Variants in NEMP1 observed in about 807,000 individuals in gnomAD.
NEMP1 encodes the protein nuclear envelope integral membrane protein 1, also known as transmembrane protein 194.
A neutral mutation model predicts 53.7 loss-of-function variants in NEMP1; 29 were observed. The observed-to-expected ratio is 0.54, with a 90% CI of 0.40 to 0.74. NEMP1 has a LOEUF of 0.74. Ranked by LOEUF, NEMP1 falls within the 30% of genes least tolerant of loss-of-function variation. The pLI is 0.00. For synonymous variants in NEMP1, 193 were observed against 192.9 expected, an observed-to-expected ratio of 1.00 and a Z score of 0.00; for missense variants, 477 against 528.6, an observed-to-expected ratio of 0.90 and a Z score of 0.96.
chr12:57,071,645 C>G (rs1399310602), intron 2 of NEMP1, among the ~76,000 whole-genome samples: 1 of 152,176 alleles, frequency 6.6e-6, no homozygotes, highest in Non-Finnish European at 1.5e-5. Context: ...TCCCAAAGTG[C>G]TGAGATTACA....
rs1172069109 is a variant in NEMP1, at chr12:57,071,568, G to A, written c.253-675C>T. On this transcript the variant is annotated intron_variant, in intron 2 of 8. Transcript: ENST00000300128. ...TAATTTTTGTATTTTTAGTAGAGAC[G>A]GGGTTTCACCATATTGGCCAGGCTG... 5.3e-5 allele frequency among the ~76,000 whole-genome samples: 8 copies of A among 152,166 alleles called. 1 individual carries two copies. The highest frequency in any genetic ancestry group is 1.4e-4 in the African/African-American group (6 of 41,502).
At chr12:57,084,163 A>T (rs2136530705) in intron 1 of NEMP1, among the ~76,000 whole-genome samples, 1 of 152,292 alleles carries the variant, frequency 6.6e-6, no homozygotes, top group Non-Finnish European at 1.5e-5. Flanking sequence ...GGGTTTCGCT[A>T]TGTTGGCCGG....
chr12:57,075,205 T>A (rs2032545879), intron 1 of NEMP1, among the ~76,000 whole-genome samples: 1 of 150,656 alleles, frequency 6.6e-6, no homozygotes, highest in African/African-American at 2.5e-5. Flanking sequence ...GCTAACAAGG[T>A]GAAACCCCAT....
intron 2 of NEMP1, 103 bp downstream of exon 2, chr12:57,072,685 A>AT (rs891458819): frequency 3.0e-5 from 38 of 1,287,052 alleles, no homozygotes; most frequent in Non-Finnish European, 3.5e-5. Flanking sequence ...TGTTAACAAC[A>AT]TTTTTTTTAA....
chr12:57,070,579 G>T, intron 3 of NEMP1, 95 bp downstream of exon 3: 2 of 1,076,122 alleles, frequency 1.9e-6, no homozygotes, highest in Non-Finnish European at 2.7e-6. Flanking sequence ...AACTGGAGCT[G>T]TCTTAGGCTG....
At chr12:57,061,802 TC>T (rs998029640) in intron 7 of NEMP1, among the ~76,000 whole-genome samples, 39 of 151,326 alleles carry the variant, frequency 2.6e-4, no homozygotes, top group African/African-American at 9.0e-4. Context: ...ATTGAGACTA[TC>T]CTGGCCAACA....
intron 3 of NEMP1, among the ~76,000 whole-genome samples, chr12:57,069,643 A>G (rs1395329494): frequency 1.3e-5 from 2 of 151,970 alleles, no homozygotes; most frequent in Non-Finnish European, 2.9e-5. Flanking sequence ...CTGGCTTTCA[A>G]GCTTTAAGTC....
chr12:57,084,406 A>C (rs910476434), intron 1 of NEMP1, among the ~76,000 whole-genome samples: 1 of 152,190 alleles, frequency 6.6e-6, no homozygotes, highest in Admixed American at 6.5e-5. Flanking sequence ...TAGGAGCCTG[A>C]GAGTCACCCT....
intron 1 of NEMP1, among the ~76,000 whole-genome samples, chr12:57,073,464 AC>A (rs200593700): frequency 4.7e-5 from 7 of 150,450 alleles, no homozygotes; most frequent in South Asian, 2.1e-4. Flanking sequence ...ATATGGAGAA[AC>A]CCCCCCGTCT....
At position 57,055,730 on chromosome 12, in the gene NEMP1, GAA is replaced by G. The variant is rs1410149883; in HGVS notation, c.*4147_*4148del. 1 of 152,118 alleles carries G rather than the reference GAA, an allele frequency of 6.6e-6. No homozygotes were observed. The highest frequency in any genetic ancestry group is 1.5e-5 in the Non-Finnish European group (1 of 67,998). The allele number at this position is 152,118 out of a possible 1,614,324, so 9.4% of individuals were successfully genotyped here. A position where few individuals can be genotyped will look rare whatever the true frequency, so the allele number is the denominator to read the frequency against. ...TAAGACATTGTTCTTTTTTCTTACA[GAA>G]AAGAGGGTGAAAATAAGACCCATGG... On this transcript the variant is annotated 3_prime_UTR_variant, in exon 9 of 9. Transcript: ENST00000300128.
Position 57,061,608 on chromosome 12 carries a change from G to A in NEMP1, c.981-663C>T, listed in dbSNP as rs1041816614. The stretch of plus-strand genomic sequence containing the variant: ...TTCGGGAGGCTGAGGCAGGACAATC[G>A]CTTGAACCAGGGAGGCGGAGGTTGC... On this transcript the variant is annotated intron_variant, in intron 7 of 8. Transcript: ENST00000300128. Among the ~76,000 whole-genome samples, 5 of 149,412 alleles carry A rather than the reference G, an allele frequency of 3.3e-5. No homozygotes were observed. In the South Asian group the frequency reaches 6.4e-4, roughly 19 times the overall value.
chr12:57,083,502 G>C (rs1344519992), upstream of NEMP1, among the ~76,000 whole-genome samples: 1 of 152,154 alleles, frequency 6.6e-6, no homozygotes, highest in African/African-American at 2.4e-5. Flanking sequence ...TGGGAAATCT[G>C]GATGGTTAAT....
At chr12:57,078,494 C>G in intron 1 of NEMP1, 125 bp downstream of exon 1, 1 of 1,326,244 alleles carries the variant, frequency 7.5e-7, no homozygotes, top group Non-Finnish European at 1.0e-6. Context: ...CCACACTACG[C>G]CGGCGGCCCT....
Position 57,060,774 on chromosome 12 carries a change from T to C in NEMP1, c.1152A>G (p.Lys384=), listed in dbSNP as rs763818140. ...WKTVSRIQSP[K]RFADFVEGSS... is the part of the protein sequence containing the mutation. ...TTGGTATATCTGGCCGAGTTTACCT[T>C]TTTGGAGACTGGATTCGAGAAACAG... Residue 384 remains lysine (K), a splice_region_variant and synonymous_variant, in exon 8 of 9, where the codon AAA becomes AAG. Coordinates refer to ENST00000300128, the MANE Select transcript of NEMP1 (RefSeq NM_001130963.2). 1.1e-5 allele frequency: 18 copies of C among 1,611,444 alleles called. No homozygotes were observed. Among genetic ancestry groups the C allele is most frequent in the Admixed American group, 1.0e-4 (6 of 59,554 alleles).
Position 57,058,495 on chromosome 12 carries a change from A to G in NEMP1, c.*1384T>C, listed in dbSNP as rs1481321635. The G allele has an allele frequency of 6.6e-6, 1 of 152,264 alleles. No individual in the cohort carries two copies. Among genetic ancestry groups the G allele is most frequent in the Non-Finnish European group, 1.5e-5 (1 of 68,050 alleles). The allele number at this position is 152,264 out of a possible 1,614,324, so 9.4% of individuals were successfully genotyped here. Reference sequence around the variant, plus strand: ...AAAAAGAACCAAGTAAATGACAGACACTTGAGAATTTGCTTCCTCACAGAT... The same window carrying G: ...AAAAAGAACCAAGTAAATGACAGACGCTTGAGAATTTGCTTCCTCACAGAT... On this transcript the variant is annotated 3_prime_UTR_variant, in exon 9 of 9. Coordinates refer to ENST00000300128, the MANE Select transcript of NEMP1 (RefSeq NM_001130963.2).
At position 57,063,250 on chromosome 12, in the gene NEMP1, G is replaced by A; in HGVS notation, c.849C>T (p.Thr283=). 1 of 1,614,190 alleles carries A rather than the reference G, an allele frequency of 6.2e-7. No individual in the cohort carries two copies. The highest frequency in any genetic ancestry group is 8.5e-7 in the Non-Finnish European group (1 of 1,180,042). ...NERSINLLTW[T]LQLMGLCFMY... is the part of the protein sequence containing the mutation. ...TGAAACACAGGCCCATCAGCTGCAA[G>A]GTCCAGGTCAGCAGGTTGATACTTC... The change falls in exon 7 of 9, where the codon ACC becomes ACT. Residue 283 remains threonine, a synonymous_variant. Transcript: ENST00000300128.
At chr12:57,063,438 C>T (rs2031920397) in intron 6 of NEMP1, 94 bp from the exon 7 acceptor site, 1 of 882,060 alleles carries the variant, frequency 1.1e-6, no homozygotes, top group Admixed American at 2.7e-5. Context: ...TATATAGCAC[C>T]AATTGAACTA....
intron 1 of NEMP1, among the ~76,000 whole-genome samples, chr12:57,086,804 G>A (rs1224222826): frequency 3.3e-5 from 5 of 152,218 alleles, no homozygotes; most frequent in Non-Finnish European, 7.3e-5. Context: ...CCTAGAGAGA[G>A]AGAGGAACAC....
At chr12:57,072,978 A>G in intron 1 of NEMP1, 66 bp from the exon 2 acceptor site, 2 of 1,438,672 alleles carry the variant, frequency 1.4e-6, no homozygotes, top group South Asian at 2.9e-5. Context: ...CATTTCATGA[A>G]AAAGATTAAA....
Sources: gnomAD v4.1 joint callset for allele counts (sites outside exome capture counted in the v4.1 genomes callset) on GRCh38, gnomAD v4.1.1 for gene constraint, MANE v1.5 for transcripts, NCBI Gene and HGNC (gene_info 2026-07-23, HGNC 2026-07-21) for gene names.